ARHGAP24: variants seen among roughly 807,000 people sequenced by gnomAD.
ARHGAP24 encodes rho GTPase-activating protein 24.
Under a neutral mutation model 76.4 loss-of-function variants are expected in ARHGAP24, and 50 were observed. The ratio of observed to expected loss-of-function variants is 0.65; its 90% CI spans 0.52 to 0.83. The LOEUF (loss-of-function observed/expected upper bound fraction) is 0.83. Among genes scored for constraint, ARHGAP24 ranks in the 40% least tolerant of loss-of-function variants. The pLI, the probability that ARHGAP24 is intolerant of heterozygous loss-of-function variation, is 0.00. For synonymous variants in ARHGAP24, 345 were observed against 323.3 expected, an observed-to-expected ratio of 1.07 and a Z score of -0.72; for missense variants, 930 against 914.2, an observed-to-expected ratio of 1.02 and a Z score of -0.22.
chr4:85,845,182 C>T (rs765123727), intron 3 of ARHGAP24, among the ~76,000 whole-genome samples: 7 of 151,998 alleles, frequency 4.6e-5, no homozygotes, highest in South Asian at 2.1e-4. Flanking sequence ...TTAATCTTCC[C>T]GGGAAATTTA....
intron 8 of ARHGAP24, among the ~76,000 whole-genome samples, chr4:85,993,111 T>G (rs1740433455): frequency 6.6e-6 from 1 of 152,102 alleles, no homozygotes; most frequent in Admixed American, 6.6e-5. Flanking sequence ...TTGGAAGATA[T>G]AAGGGAAACA....
chr4:85,535,974 C>T (rs1346156908), intron 1 of ARHGAP24, among the ~76,000 whole-genome samples: 1 of 152,106 alleles, frequency 6.6e-6, no homozygotes, highest in African/African-American at 2.4e-5. Context: ...TGTCTCGTGA[C>T]GTTTATTGTG....
At chr4:85,761,764 C>T (rs935489938) in intron 3 of ARHGAP24, among the ~76,000 whole-genome samples, 1 of 152,154 alleles carries the variant, frequency 6.6e-6, no homozygotes, top group Non-Finnish European at 1.5e-5. Context: ...CAGTGGCTAT[C>T]TCAAGGTGCA....
intron 1 of ARHGAP24, among the ~76,000 whole-genome samples, chr4:85,565,315 GA>G (rs1172973255): frequency 6.6e-6 from 1 of 152,080 alleles, no homozygotes; most frequent in African/African-American, 2.4e-5. Context: ...CACAAATGGT[GA>G]CAATTGGTTG....
At chr4:85,956,110 G>C (rs1468641921) in intron 5 of ARHGAP24, among the ~76,000 whole-genome samples, 1 of 152,178 alleles carries the variant, frequency 6.6e-6, no homozygotes, top group Non-Finnish European at 1.5e-5. Context: ...CAGTAAAAGG[G>C]AGGAATTTAC....
At chr4:85,852,516 G>A (rs6820090) in intron 3 of ARHGAP24, among the ~76,000 whole-genome samples, 72,383 of 152,042 alleles carry the variant, frequency 0.48, 18,741 homozygotes, top group East Asian at 0.86. Context: ...TGATCCTTTG[G>A]AGGAGAAGAG....
intron 2 of ARHGAP24, among the ~76,000 whole-genome samples, chr4:85,638,633 G>A (rs138702349): frequency 6.6e-6 from 1 of 151,994 alleles, no homozygotes; most frequent in African/African-American, 2.4e-5. Context: ...GTGTGTGGAT[G>A]CCCACAATAT....
chr4:85,861,835 A>G (rs1731919932), intron 3 of ARHGAP24, among the ~76,000 whole-genome samples: 1 of 152,006 alleles, frequency 6.6e-6, no homozygotes. Context: ...CGAACACTAT[A>G]CATGTGCAGT....
At chr4:85,637,214 A>T (rs986357301) in intron 2 of ARHGAP24, among the ~76,000 whole-genome samples, 1 of 152,038 alleles carries the variant, frequency 6.6e-6, no homozygotes, top group African/African-American at 2.4e-5. Flanking sequence ...GTTGCCCTGG[A>T]TCATCTCCCT....
At chr4:85,986,045 G>T (rs1739970530) in intron 8 of ARHGAP24, among the ~76,000 whole-genome samples, 1 of 152,122 alleles carries the variant, frequency 6.6e-6, no homozygotes, top group African/African-American at 2.4e-5. Context: ...ATTCTTGGCT[G>T]TTAACATACT....
At chr4:85,744,159 C>A (rs917322144) in intron 3 of ARHGAP24, among the ~76,000 whole-genome samples, 1 of 152,102 alleles carries the variant, frequency 6.6e-6, no homozygotes, top group Non-Finnish European at 1.5e-5. Context: ...CAGCTTTGTC[C>A]AAATATTTAT....
chr4:85,821,047 C>G (rs1483671611), intron 3 of ARHGAP24, among the ~76,000 whole-genome samples: 1 of 151,796 alleles, frequency 6.6e-6, no homozygotes, highest in Non-Finnish European at 1.5e-5. Flanking sequence ...ACTAAAAATG[C>G]TTATAAAATA....
intron 1 of ARHGAP24, among the ~76,000 whole-genome samples, chr4:85,555,811 A>T (rs972516084): frequency 6.6e-6 from 1 of 152,186 alleles, no homozygotes; most frequent in Non-Finnish European, 1.5e-5. Flanking sequence ...GGGTGGCTGC[A>T]TTGTGGACTC....
intron 2 of ARHGAP24, among the ~76,000 whole-genome samples, chr4:85,674,096 C>T (rs530129282): frequency 9.2e-5 from 14 of 152,228 alleles, no homozygotes; most frequent in Admixed American, 2.6e-4. Context: ...TACTGGTCCA[C>T]GCAGTGGTTC....
chr4:85,607,314 A>G (rs1720227187), intron 2 of ARHGAP24, among the ~76,000 whole-genome samples: 1 of 151,952 alleles, frequency 6.6e-6, no homozygotes, highest in Admixed American at 6.6e-5. Context: ...AGCCACAAAG[A>G]TTTTCCAAAA....
At position 85,644,375 on chromosome 4, in the gene ARHGAP24, T is replaced by A. The variant is rs114289399; in HGVS notation, c.180+73654T>A. Among the ~76,000 whole-genome samples, 920 of 152,228 alleles carry A rather than the reference T, an allele frequency of 6.0e-3. 6 individuals are homozygous for A. The highest frequency in any genetic ancestry group is 0.021 in the African/African-American group (861 of 41,564). ...CTGTCTTTATTACTAATTAGTTGCA[T>A]GGAATTGAGCAAGTCATTTAATGAC... On this transcript the variant is annotated intron_variant, in intron 2 of 9. Transcript: ENST00000395184.
chr4:85,608,285 T>A (rs1440632127), intron 2 of ARHGAP24, among the ~76,000 whole-genome samples: 1 of 152,164 alleles, frequency 6.6e-6, no homozygotes, highest in African/African-American at 2.4e-5. Flanking sequence ...GGAATTTTTT[T>A]AAGGATGCCA....
At chr4:85,572,192 C>G (rs1198669594) in intron 2 of ARHGAP24, among the ~76,000 whole-genome samples, 1 of 152,110 alleles carries the variant, frequency 6.6e-6, no homozygotes, top group Non-Finnish European at 1.5e-5. Flanking sequence ...ATCTAATAAT[C>G]AGATTAAGGT....
At chr4:85,927,916 G>A (rs1337994039) in intron 4 of ARHGAP24, among the ~76,000 whole-genome samples, 1 of 152,124 alleles carries the variant, frequency 6.6e-6, no homozygotes, top group Non-Finnish European at 1.5e-5. Context: ...TAGTTCTTCA[G>A]TCTCCTAGAA....
Sources: allele counts gnomAD v4.1 joint callset (sites outside exome capture counted in the v4.1 genomes callset), GRCh38; gene constraint gnomAD v4.1.1; transcripts MANE v1.5; gene names NCBI Gene and HGNC (gene_info 2026-07-23, HGNC 2026-07-21).